GNPTAB: variants seen among roughly 807,000 people sequenced by gnomAD.
The protein encoded by GNPTAB is N-acetylglucosamine-1-phosphate transferase subunits alpha and beta.
Under a neutral mutation model 136.6 loss-of-function variants are expected in GNPTAB, and 92 were observed. The observed-to-expected ratio is 0.67, with a 90% confidence interval of 0.57 to 0.80. The LOEUF (loss-of-function observed/expected upper bound fraction) is 0.80, where lower values mean the gene tolerates loss of function less well. Among genes scored for constraint, GNPTAB ranks in the 30% least tolerant of loss-of-function variants. The probability of loss-of-function intolerance (pLI) is 0.00; values close to 1 mark genes in which losing one functional copy is unlikely to be tolerated. For missense variants in GNPTAB, 1,343 were observed against 1,501.8 expected (o/e 0.89, Z 1.75); for synonymous variants, 512 against 535.1 (o/e 0.96, Z 0.60).
At chr12:101,807,747 C>T (rs142606802) in intron 1 of GNPTAB, among the ~76,000 whole-genome samples, 69 of 152,076 alleles carry the variant, frequency 4.5e-4, no homozygotes, top group African/African-American at 1.4e-3. Context: ...CTGGCCAACA[C>T]GGTGAAACTC....
chr12:101,816,722 AT>A (rs1461556285), intron 1 of GNPTAB, among the ~76,000 whole-genome samples: 1 of 152,152 alleles, frequency 6.6e-6, no homozygotes, highest in African/African-American at 2.4e-5. Flanking sequence ...GGAAATCCGT[AT>A]AATGAAGAGC....
intron 7 of GNPTAB, among the ~76,000 whole-genome samples, chr12:101,775,816 AAAAG>A (rs1444090660): frequency 2.6e-5 from 4 of 152,312 alleles, no homozygotes; most frequent in Non-Finnish European, 5.9e-5. Flanking sequence ...AGAATTATCT[AAAAG>A]AAAGGGCATT....
intron 16 of GNPTAB, among the ~76,000 whole-genome samples, chr12:101,759,118 C>G (rs1952949432): frequency 6.6e-6 from 1 of 152,074 alleles, no homozygotes. Context: ...AATCCCGGCA[C>G]TTTGGGATGC....
At chr12:101,757,732 T>C (rs1162282159) in intron 16 of GNPTAB, 75 bp from the exon 17 acceptor site, 1 of 801,854 alleles carries the variant, frequency 1.2e-6, no homozygotes, top group African/African-American at 1.7e-5. Flanking sequence ...ATCTTAGTTC[T>C]GATTTTTAAC....
intron 19 of GNPTAB, 27 bp from the exon 20 acceptor site, chr12:101,749,218 G>C (rs1952780923): frequency 1.6e-6 from 2 of 1,289,990 alleles, no homozygotes; most frequent in African/African-American, 2.9e-5. Context: ...AAGCAACTAT[G>C]TACTTCTGTA....
chr12:101,798,455 C>T (rs1869425856), intron 1 of GNPTAB, among the ~76,000 whole-genome samples: 1 of 152,172 alleles, frequency 6.6e-6, no homozygotes, highest in South Asian at 2.1e-4. Flanking sequence ...AAGGGAAAGA[C>T]ATGCCCCACC....
intron 19 of GNPTAB, among the ~76,000 whole-genome samples, chr12:101,750,423 A>C (rs1162280723): frequency 6.6e-6 from 1 of 152,230 alleles, no homozygotes; most frequent in East Asian, 1.9e-4. Context: ...GTGTCAGTGC[A>C]GTGAGAGACA....
chr12:101,764,577 T>G lies in GNPTAB; in HGVS notation c.2340A>C (p.Gly780=), dbSNP rs1447856153. The G allele has an allele frequency of 6.2e-7, 1 of 1,614,072 alleles. No individual in the cohort carries two copies. Among genetic ancestry groups the G allele is most frequent in the Non-Finnish European group, 8.5e-7 (1 of 1,179,994 alleles). ...TCAACCTCTGCAATCTTTCAGACAC[T>G]CCTAAGCTGTTTGGCAAGATGCTTT... ...VHKSILPNSL[G]VSERLQRLTF... is the part of the protein sequence containing the mutation. The change falls in exon 13 of 21, where the codon GGA becomes GGC. Residue 780 remains glycine, a synonymous_variant. Transcript: ENST00000299314.
intron 1 of GNPTAB, among the ~76,000 whole-genome samples, chr12:101,809,247 C>T (rs992743468): frequency 1.3e-5 from 2 of 152,192 alleles, no homozygotes; most frequent in Non-Finnish European, 2.9e-5. Flanking sequence ...TACCACTGCA[C>T]ACCTAATGGA....
intron 1 of GNPTAB, among the ~76,000 whole-genome samples, chr12:101,830,018 A>AG (rs974295760): frequency 3.3e-5 from 5 of 151,644 alleles, no homozygotes; most frequent in South Asian, 2.1e-4. Flanking sequence ...AAAAAAAAAA[A>AG]AAAAGAAAAA....
At chr12:101,783,720 CT>C (rs113705425) in intron 5 of GNPTAB, among the ~76,000 whole-genome samples, 11,558 of 144,822 alleles carry the variant, frequency 0.08, 456 homozygotes, top group South Asian at 0.16. Context: ...CTAAAAATAA[CT>C]TTTTTTTTTT....
intron 1 of GNPTAB, among the ~76,000 whole-genome samples, chr12:101,823,338 A>G (rs1048462346): frequency 6.6e-6 from 1 of 152,162 alleles, no homozygotes; most frequent in Admixed American, 6.5e-5. Context: ...GGCCAGGCGC[A>G]GTGGCTTATG....
In GNPTAB at chr12:101,753,469, T is replaced by C; in HGVS notation, c.3505A>G (p.Arg1169Gly). ...KDAQTVKAVL[R>G]DFYESMFPIP... ...GGGAACATGGATTCATAGAAGTCCCTGAGAACAGCCTTCACTGTCTGAGCA... is the reference window on the plus strand; with the variant it reads ...GGGAACATGGATTCATAGAAGTCCCCGAGAACAGCCTTCACTGTCTGAGCA... Residue 1169 changes from arginine to glycine, a missense_variant, in exon 19 of 21, where the codon AGG (arginine) becomes GGG (glycine). By Grantham distance (125) the Arg-to-Gly change is moderately radical. Transcript: ENST00000299314. 6.2e-7 allele frequency: 1 copy of C among 1,613,534 alleles called. No individual in the cohort carries two copies.
At chr12:101,752,094 G>T (rs901192058) in intron 19 of GNPTAB, among the ~76,000 whole-genome samples, 2 of 151,486 alleles carry the variant, frequency 1.3e-5, no homozygotes, top group East Asian at 1.9e-4. Context: ...TCCCACAGTA[G>T]ATACTCAATA....
At position 101,796,744 on chromosome 12, in the gene GNPTAB, G is replaced by A. The variant is rs78347057; in HGVS notation, c.136C>T (p.Arg46Ter). Reference sequence around the variant, plus strand: ...TCAAACAAAACATGGTATTGATCTCGGCTCCATTCCAGAACCACCTAGAAC... The same window carrying A: ...TCAAACAAAACATGGTATTGATCTCAGCTCCATTCCAGAACCACCTAGAAC... ...QFGEVVLEWS[R>*]DQYHVLFDSY... The change falls in exon 2 of 21, where the codon CGA becomes TGA. Residue 46 changes from arginine (R) to a stop codon, truncating the protein, a stop_gained. Transcript: ENST00000299314. LOFTEE classifies it high-confidence loss of function. 3.1e-6 allele frequency: 5 copies of A among 1,611,976 alleles called. No homozygotes were observed. The South Asian group carries it at 4.4e-5, about 14-fold the overall frequency.
At chr12:101,791,002 C>A (rs1868956524) in intron 2 of GNPTAB, among the ~76,000 whole-genome samples, 1 of 152,060 alleles carries the variant, frequency 6.6e-6, no homozygotes, top group African/African-American at 2.4e-5. Flanking sequence ...AGAAAACTTT[C>A]ATGCTTTGTT....
chr12:101,749,268 T>G, intron 19 of GNPTAB, 77 bp from the exon 20 acceptor site: 1 of 845,326 alleles, frequency 1.2e-6, no homozygotes, highest in Non-Finnish European at 2.1e-6. Context: ...ATTTATATAC[T>G]AGTTCTATAA....
intron 1 of GNPTAB, among the ~76,000 whole-genome samples, chr12:101,823,847 T>C (rs1167797079): frequency 2.6e-5 from 4 of 152,172 alleles, no homozygotes; most frequent in Non-Finnish European, 5.9e-5. Context: ...GTTTCCCAGA[T>C]AGATTAATTA....
intron 1 of GNPTAB, among the ~76,000 whole-genome samples, chr12:101,829,793 T>A (rs1208324533): frequency 6.6e-6 from 1 of 152,174 alleles, no homozygotes; most frequent in African/African-American, 2.4e-5. Flanking sequence ...TCAGAATTCA[T>A]GCCATATAAT....
Sources: allele counts gnomAD v4.1 joint callset (sites outside exome capture counted in the v4.1 genomes callset), GRCh38; gene constraint gnomAD v4.1.1; transcripts MANE v1.5; gene names NCBI Gene and HGNC (gene_info 2026-07-23, HGNC 2026-07-21).